The following KRT8 variants were observed in gnomAD, a reference collection of about 807,000 sequenced individuals.
KRT8 encodes keratin, type II cytoskeletal 8.
Under a neutral mutation model 43.0 loss-of-function variants are expected in KRT8, and 24 were observed. The observed-to-expected ratio is 0.56, with a 90% CI of 0.40 to 0.78. The LOEUF (loss-of-function observed/expected upper bound fraction) is 0.78. Among genes scored for constraint, KRT8 ranks in the 30% least tolerant of loss-of-function variants. The pLI, the probability that KRT8 is intolerant of heterozygous loss-of-function variation, is 0.00. For missense variants in KRT8, 492 were observed against 638.4 expected (o/e 0.77, Z 2.47); for synonymous variants, 214 against 261.2 (o/e 0.82, Z 1.74).
chr12:52,941,260 A>T (rs949660151), intron 2 of KRT8, among the ~76,000 whole-genome samples: 2 of 150,940 alleles, frequency 1.3e-5, no homozygotes, highest in Non-Finnish European at 3.0e-5. Flanking sequence ...AAACAAGAAA[A>T]CCCACAGATG....
intron 2 of KRT8, among the ~76,000 whole-genome samples, chr12:52,932,925 C>G (rs1942107889): frequency 6.6e-6 from 1 of 151,966 alleles, no homozygotes. Flanking sequence ...CACAAAATTA[C>G]ATTTTTTGTG....
intron 2 of KRT8, among the ~76,000 whole-genome samples, chr12:52,921,437 T>A (rs1941884355): frequency 6.6e-6 from 1 of 152,068 alleles, no homozygotes; most frequent in Non-Finnish European, 1.5e-5. Context: ...GGACCCACAG[T>A]TCTATGGCTT....
intron 2 of KRT8, among the ~76,000 whole-genome samples, chr12:52,940,920 C>G (rs1396215302): frequency 6.6e-6 from 1 of 152,046 alleles, no homozygotes; most frequent in Non-Finnish European, 1.5e-5. Context: ...GCCACCACAC[C>G]CAGCCTGGAG....
At chr12:52,900,930 T>C (rs1941353483) in intron 3 of KRT8, 2 of 634,346 alleles carry the variant, frequency 3.2e-6, no homozygotes, top group Non-Finnish European at 2.8e-6. Flanking sequence ...AGATCTCCAG[T>C]TCTACTGCTC....
chr12:52,926,259 C>G (rs1211743116), intron 2 of KRT8, among the ~76,000 whole-genome samples: 1 of 151,680 alleles, frequency 6.6e-6, no homozygotes, highest in Non-Finnish European at 1.5e-5. Context: ...CAGAGCTTCC[C>G]GTTGCCTTCA....
At chr12:52,944,443 A>C (rs1942313796) in intron 2 of KRT8, among the ~76,000 whole-genome samples, 1 of 152,076 alleles carries the variant, frequency 6.6e-6, no homozygotes, top group Non-Finnish European at 1.5e-5. Flanking sequence ...GCCCTCCCCT[A>C]ATCTCTGGGC....
At chr12:52,924,282 AC>A in intron 2 of KRT8, among the ~76,000 whole-genome samples, 1 of 152,154 alleles carries the variant, frequency 6.6e-6, no homozygotes, top group African/African-American at 2.4e-5. Flanking sequence ...CCCTGTCTCT[AC>A]TAAAAATACA....
intron 2 of KRT8, among the ~76,000 whole-genome samples, chr12:52,924,843 G>A (rs978025599): frequency 1.1e-4 from 17 of 152,142 alleles, no homozygotes; most frequent in African/African-American, 2.4e-4. Context: ...TGTGGTCTGC[G>A]GCAACAGCCA....
chr12:52,924,567 C>T (rs1463146004), intron 2 of KRT8, among the ~76,000 whole-genome samples: 1 of 151,468 alleles, frequency 6.6e-6, no homozygotes, highest in South Asian at 2.1e-4. Context: ...CCAGCTTGGG[C>T]GACAGAGCCA....
At position 52,930,791 on chromosome 12, in the gene KRT8, C is replaced by T. The variant is rs1242099171; in HGVS notation, c.-47+18665G>A. Among the ~76,000 whole-genome samples the T allele has an allele frequency of 2.6e-5, 4 of 152,006 alleles. No homozygotes were observed. The East Asian group carries it at 5.8e-4, about 22-fold the overall frequency. On this transcript the variant is annotated intron_variant, in intron 2 of 6. Coordinates refer to the KRT8 transcript ENST00000546826. ...GCCAGGCTGGTCTTGAGCTCCTGGG[C>T]TCAAGCAATCCTCCCACCTTGGCCT...
chr12:52,921,274 A>T (rs917568120), intron 2 of KRT8, among the ~76,000 whole-genome samples: 2 of 152,162 alleles, frequency 1.3e-5, no homozygotes, highest in African/African-American at 4.8e-5. Flanking sequence ...TTCCTGGGTG[A>T]CCATCCAGGG....
intron 7 of KRT8, 126 bp downstream of exon 7, chr12:52,898,335 T>G: frequency 1.3e-6 from 1 of 777,926 alleles, no homozygotes; most frequent in Non-Finnish European, 2.2e-6. Context: ...CACCCTAGGA[T>G]TCTCCCAAGA....
chr12:52,932,420 G>C (rs1362844706), intron 2 of KRT8, among the ~76,000 whole-genome samples: 2 of 152,040 alleles, frequency 1.3e-5, no homozygotes, highest in Non-Finnish European at 2.9e-5. Context: ...TGATTACTTT[G>C]TCCACAAGAT....
intron 2 of KRT8, among the ~76,000 whole-genome samples, chr12:52,927,372 C>A (rs1343044404): frequency 6.6e-6 from 1 of 152,188 alleles, no homozygotes; most frequent in Non-Finnish European, 1.5e-5. Flanking sequence ...CACCCTTGGG[C>A]CTCCCCTGGG....
At chr12:52,906,978 A>G (rs1941533976), upstream of KRT8, 2 of 347,906 alleles carry the variant, frequency 5.7e-6, no homozygotes, top group South Asian at 4.3e-5. Flanking sequence ...TCTCTTCACA[A>G]TGCACGCGTG....
chr12:52,905,141 T>G, upstream of KRT8: 1 of 1,380,132 alleles, frequency 7.2e-7, no homozygotes, highest in African/African-American at 1.5e-5. Flanking sequence ...CCTGAGTGGC[T>G]AGGCCCAGAG....
intron 2 of KRT8, among the ~76,000 whole-genome samples, chr12:52,926,989 C>T (rs1942004719): frequency 1.3e-5 from 2 of 151,966 alleles, no homozygotes; most frequent in South Asian, 4.2e-4. Flanking sequence ...AATTCTATCC[C>T]ATGAGTCCTC....
At chr12:52,897,545 A>C (rs779673421) in exon 8 of KRT8, 201 of 1,590,838 alleles carry the variant, frequency 1.3e-4, no homozygotes, top group Non-Finnish European at 1.7e-4. Context: ...AGCCCGCGCC[A>C]GAGCCAAAGC....
At chr12:52,898,510 A>G (rs1389232138) in exon 7 of KRT8, 1 of 1,614,090 alleles carries the variant, frequency 6.2e-7, no homozygotes, top group East Asian at 2.2e-5. Flanking sequence ...TCTGCATCCC[A>G]GACTCCAGCC....
Sources: gnomAD v4.1 joint callset for allele counts (sites outside exome capture counted in the v4.1 genomes callset) on GRCh38, gnomAD v4.1.1 for gene constraint, MANE v1.5 for transcripts, NCBI Gene and HGNC (gene_info 2026-07-23, HGNC 2026-07-21) for gene names.